The following LARP4B variants were observed in gnomAD, a reference collection of about 807,000 sequenced individuals.
LARP4B encodes la-related protein 4B.
Under a neutral mutation model 89.8 loss-of-function variants are expected in LARP4B, and 12 were observed. The ratio of observed to expected loss-of-function variants is 0.13; its 90% CI spans 0.09 to 0.22. The LOEUF is 0.22. Ranked by LOEUF, LARP4B falls within the 10% of genes least tolerant of loss-of-function variation. LARP4B has a pLI of 1.00. For missense variants in LARP4B, 757 were observed against 947.7 expected (o/e 0.80, Z 2.64); for synonymous variants, 367 against 363.3 (o/e 1.01, Z -0.12).
rs777646841 is a variant in LARP4B at position 864,106 on chromosome 10, G to A, written c.289+17C>T. On this transcript the variant is annotated intron_variant, in intron 4 of 17. Transcript: ENST00000316157. The stretch of plus-strand genomic sequence containing the variant: ...CTGAAAGCAGGGGGCTGCACACCAC[G>A]GCCATGCTCAACTTACCCTGCGGGC... The A allele has an allele frequency of 2.3e-5, 37 of 1,613,876 alleles. No individual in the cohort carries two copies. The highest frequency in any genetic ancestry group is 1.0e-4 in the Admixed American group (6 of 59,976).
At chr10:930,816 G>A (rs960164729) in intron 1 of LARP4B, among the ~76,000 whole-genome samples, 5 of 152,114 alleles carry the variant, frequency 3.3e-5, no homozygotes, top group Non-Finnish European at 7.4e-5. Flanking sequence ...GGTTCTAAAG[G>A]AATGCGATGC....
At chr10:893,520 C>G (rs1177990037) in intron 1 of LARP4B, among the ~76,000 whole-genome samples, 1 of 152,202 alleles carries the variant, frequency 6.6e-6, no homozygotes. Context: ...ACTATTACCA[C>G]TGATATCCTT....
chr10:898,242 T>C (rs1243411281), intron 1 of LARP4B, among the ~76,000 whole-genome samples: 2 of 152,216 alleles, frequency 1.3e-5, no homozygotes, highest in South Asian at 4.1e-4. Context: ...TAATATCAAG[T>C]GTGGCTAGTA....
At chr10:914,920 A>T (rs1836779073) in intron 1 of LARP4B, among the ~76,000 whole-genome samples, 1 of 152,104 alleles carries the variant, frequency 6.6e-6, no homozygotes, top group South Asian at 2.1e-4. Flanking sequence ...GTGAAAAAAA[A>T]ATTGTGTGTA....
chr10:819,080 T>A (rs980480263), intron 14 of LARP4B: 1 of 152,246 alleles, frequency 6.6e-6, no homozygotes, highest in Non-Finnish European at 1.5e-5. Flanking sequence ...CAGCTGGCTG[T>A]TGTATGCTCT....
At chr10:885,337 A>C (rs1835821957) in intron 2 of LARP4B, among the ~76,000 whole-genome samples, 1 of 152,168 alleles carries the variant, frequency 6.6e-6, no homozygotes, top group Admixed American at 6.5e-5. Context: ...GACTTCGCAA[A>C]AAAAAAATAC....
the LARP4B span, among the ~76,000 whole-genome samples, chr10:974,748 G>A: frequency 6.6e-6 from 1 of 152,222 alleles, no homozygotes; most frequent in East Asian, 1.9e-4. Flanking sequence ...TACCTCAACC[G>A]TGAAACACCT....
the LARP4B span, among the ~76,000 whole-genome samples, chr10:951,377 C>T: frequency 1.3e-5 from 2 of 151,906 alleles, no homozygotes; most frequent in Non-Finnish European, 2.9e-5. Context: ...GGTGAAACCC[C>T]GTCTCTACTA....
intron 1 of LARP4B, among the ~76,000 whole-genome samples, chr10:917,420 T>C (rs1247097069): frequency 6.6e-6 from 1 of 152,212 alleles, no homozygotes; most frequent in Non-Finnish European, 1.5e-5. Context: ...AACCGGTTTA[T>C]TGTAACAGGA....
At chr10:892,153 G>C (rs1319039875) in intron 1 of LARP4B, among the ~76,000 whole-genome samples, 1 of 152,268 alleles carries the variant, frequency 6.6e-6, no homozygotes, top group African/African-American at 2.4e-5. Flanking sequence ...GCACTCGCCA[G>C]TGCCTTACAC....
intron 17 of LARP4B, 134 bp from the exon 18 acceptor site, chr10:813,347 T>A: frequency 1.1e-6 from 1 of 873,754 alleles, no homozygotes; most frequent in Non-Finnish European, 1.7e-6. Flanking sequence ...TTTTAACTTT[T>A]AAAAAGTTCA....
chr10:808,756 C>CACAT (rs1554784884), downstream of LARP4B: 6 of 150,180 alleles, frequency 4.0e-5, no homozygotes, highest in Middle Eastern at 3.5e-3. Flanking sequence ...TGCACGCACA[C>CACAT]ACACACACAC....
intron 8 of LARP4B, 45 bp downstream of exon 8, chr10:836,358 C>A (rs1441965649): frequency 2.2e-6 from 3 of 1,353,658 alleles, no homozygotes; most frequent in Non-Finnish European, 2.1e-6. Context: ...CAACAAAGAC[C>A]TTTGGGAAAA....
the LARP4B span, among the ~76,000 whole-genome samples, chr10:973,798 C>T: frequency 2.6e-5 from 4 of 152,110 alleles, no homozygotes; most frequent in African/African-American, 4.8e-5. Context: ...ACAGCTTAGC[C>T]CTCATGAATA....
chr10:983,423 CTGAG>C, the LARP4B span, among the ~76,000 whole-genome samples: 2 of 152,204 alleles, frequency 1.3e-5, no homozygotes, highest in Admixed American at 1.3e-4. Flanking sequence ...AAATACCAGA[CTGAG>C]TGGCTTAAAC....
chr10:929,605 G>T (rs202182212), intron 1 of LARP4B, among the ~76,000 whole-genome samples: 1 of 143,106 alleles, frequency 7.0e-6, no homozygotes, highest in African/African-American at 2.6e-5. Flanking sequence ...CTCGGGGGGG[G>T]AAGAAAAAAA....
the LARP4B span, chr10:985,138 G>A: frequency 6.6e-6 from 1 of 152,206 alleles, no homozygotes; most frequent in East Asian, 1.9e-4. Context: ...CTGTGAAACA[G>A]AGACAATCAC....
chr10:969,672 T>A, the LARP4B span, among the ~76,000 whole-genome samples: 3 of 152,026 alleles, frequency 2.0e-5, no homozygotes, highest in Non-Finnish European at 4.4e-5. Context: ...GAGGCTGCAG[T>A]GAGCCAAGAT....
At chr10:970,669 T>C in the LARP4B span, among the ~76,000 whole-genome samples, 3 of 152,206 alleles carry the variant, frequency 2.0e-5, no homozygotes, top group Non-Finnish European at 4.4e-5. Flanking sequence ...CCGTGTCAGC[T>C]TTGATTGCTC....
Sources: gnomAD v4.1 joint callset for allele counts (sites outside exome capture counted in the v4.1 genomes callset) on GRCh38, gnomAD v4.1.1 for gene constraint, MANE v1.5 for transcripts, NCBI Gene and HGNC (gene_info 2026-07-23, HGNC 2026-07-21) for gene names.